RPS6KC1: variants seen among roughly 807,000 people sequenced by gnomAD.
RPS6KC1 encodes inactive ribosomal protein S6 kinase delta-1.
Under a neutral mutation model 103.8 loss-of-function variants are expected in RPS6KC1, and 54 were observed. The observed-to-expected ratio is 0.52, with a 90% CI of 0.42 to 0.65. The LOEUF (loss-of-function observed/expected upper bound fraction) is 0.65, where lower values mean the gene tolerates loss of function less well. RPS6KC1 is among the 30% of genes least tolerant of loss of function. The probability of loss-of-function intolerance (pLI) is 0.00; values close to 1 mark genes in which losing one functional copy is unlikely to be tolerated. For synonymous variants in RPS6KC1, 439 were observed against 438.7 expected, an observed-to-expected ratio of 1.00 and a Z score of -0.01; for missense variants, 1,151 against 1,253.8, an observed-to-expected ratio of 0.92 and a Z score of 1.24.
At chr1:213,604,664 G>T in the RPS6KC1 span, among the ~76,000 whole-genome samples, 1 of 152,174 alleles carries the variant, frequency 6.6e-6, no homozygotes, top group Admixed American at 6.5e-5. Context: ...GACCTGCCAT[G>T]TGGGCTGCCG....
intron 3 of RPS6KC1, among the ~76,000 whole-genome samples, chr1:213,087,474 A>T (rs2080512741): frequency 6.6e-6 from 1 of 152,180 alleles, no homozygotes; most frequent in South Asian, 2.1e-4. Context: ...TCTTAGCTTC[A>T]AATCTCTTTC....
the RPS6KC1 span, among the ~76,000 whole-genome samples, chr1:213,308,385 C>G: frequency 1.3e-5 from 2 of 151,324 alleles, no homozygotes; most frequent in Non-Finnish European, 2.9e-5. Context: ...GGGAAATACA[C>G]CTTTACACGT....
the RPS6KC1 span, among the ~76,000 whole-genome samples, chr1:213,786,162 G>C: frequency 1.3e-5 from 2 of 152,174 alleles, no homozygotes; most frequent in African/African-American, 2.4e-5. Context: ...GAATAGGAGA[G>C]TGGCAGATCC....
the RPS6KC1 span, among the ~76,000 whole-genome samples, chr1:213,511,612 AC>A: frequency 6.6e-6 from 1 of 151,978 alleles, no homozygotes; most frequent in East Asian, 1.9e-4. Flanking sequence ...TATAATCCAG[AC>A]CTCTGGCACC....
the RPS6KC1 span, among the ~76,000 whole-genome samples, chr1:213,662,721 T>C: frequency 6.6e-6 from 1 of 152,182 alleles, no homozygotes; most frequent in Non-Finnish European, 1.5e-5. Context: ...CTGCTCCCTT[T>C]ACGTAACCTC....
chr1:213,630,823 G>T, the RPS6KC1 span, among the ~76,000 whole-genome samples: 1 of 152,214 alleles, frequency 6.6e-6, no homozygotes, highest in Non-Finnish European at 1.5e-5. Context: ...AGGTCTATTG[G>T]AGTTTGCCGG....
chr1:213,708,319 C>T, the RPS6KC1 span, among the ~76,000 whole-genome samples: 1 of 152,152 alleles, frequency 6.6e-6, no homozygotes, highest in Non-Finnish European at 1.5e-5. Context: ...TGGGAATTCA[C>T]TCATGAGTTG....
chr1:213,799,372 T>C, the RPS6KC1 span, among the ~76,000 whole-genome samples: 1 of 152,180 alleles, frequency 6.6e-6, no homozygotes, highest in African/African-American at 2.4e-5. Context: ...TGTGGCCTTT[T>C]TGTAAGCAGC....
At chr1:213,507,995 G>A in the RPS6KC1 span, among the ~76,000 whole-genome samples, 2 of 152,208 alleles carry the variant, frequency 1.3e-5, no homozygotes, top group African/African-American at 4.8e-5. Flanking sequence ...GTCAATTGCT[G>A]AAACAATGAT....
chr1:213,577,932 G>A, the RPS6KC1 span, among the ~76,000 whole-genome samples: 1 of 152,230 alleles, frequency 6.6e-6, no homozygotes, highest in African/African-American at 2.4e-5. Flanking sequence ...TAAGTAACGA[G>A]GAGCCGAATG....
chr1:213,330,032 C>T, the RPS6KC1 span, among the ~76,000 whole-genome samples: 5 of 152,206 alleles, frequency 3.3e-5, no homozygotes, highest in Middle Eastern at 3.2e-3. Flanking sequence ...TGGTGGAGGG[C>T]CTCCCGCAGG....
At chr1:213,323,033 G>T in the RPS6KC1 span, among the ~76,000 whole-genome samples, 1 of 147,014 alleles carries the variant, frequency 6.8e-6, no homozygotes, top group Non-Finnish European at 1.5e-5. Flanking sequence ...CAAAGTGCTG[G>T]GATTACAGGT....
the RPS6KC1 span, among the ~76,000 whole-genome samples, chr1:213,303,481 C>T: frequency 6.6e-6 from 1 of 152,136 alleles, no homozygotes; most frequent in Non-Finnish European, 1.5e-5. Context: ...GATGCCTGGA[C>T]TCCAGGGCTT....
chr1:213,600,111 CTT>C, the RPS6KC1 span, among the ~76,000 whole-genome samples: 2 of 152,150 alleles, frequency 1.3e-5, no homozygotes, highest in South Asian at 4.1e-4. Context: ...GCTTCCCTCT[CTT>C]GCTGCCATGT....
chr1:213,141,522 C>T (rs1199754666), intron 6 of RPS6KC1, among the ~76,000 whole-genome samples: 4 of 151,698 alleles, frequency 2.6e-5, no homozygotes, highest in African/African-American at 9.7e-5. Context: ...GATATTTTCC[C>T]TTTTTTTCTT....
chr1:213,204,647 A>G (rs2093282543), intron 8 of RPS6KC1, among the ~76,000 whole-genome samples: 1 of 136,600 alleles, frequency 7.3e-6, no homozygotes, highest in African/African-American at 2.8e-5. Context: ...TTTTTGAGGC[A>G]GGATATCACT....
At chr1:213,737,483 C>T in the RPS6KC1 span, among the ~76,000 whole-genome samples, 11 of 152,284 alleles carry the variant, frequency 7.2e-5, no homozygotes, top group East Asian at 2.1e-3. Flanking sequence ...TTCAAAACAA[C>T]ATGGGGACAA....
chr1:213,120,401 A>G (rs1233911809), intron 5 of RPS6KC1, among the ~76,000 whole-genome samples: 1 of 152,200 alleles, frequency 6.6e-6, no homozygotes, highest in Non-Finnish European at 1.5e-5. Flanking sequence ...TTGTTATTTG[A>G]GAGGGAAAAT....
chr1:213,137,825 T>TTTTTTC (rs1212063885), intron 6 of RPS6KC1, among the ~76,000 whole-genome samples: 1 of 123,422 alleles, frequency 8.1e-6, no homozygotes, highest in Non-Finnish European at 1.6e-5. Context: ...TTTTTTTTTT[T>TTTTTTC]TCCTTCCCCC....
Sources: gnomAD v4.1 joint callset for allele counts (sites outside exome capture counted in the v4.1 genomes callset) on GRCh38, gnomAD v4.1.1 for gene constraint, MANE v1.5 for transcripts, NCBI Gene and HGNC (gene_info 2026-07-23, HGNC 2026-07-21) for gene names.